DDHD1: variants seen among roughly 807,000 people sequenced by gnomAD.
DDHD1 encodes phospholipase DDHD1.
A neutral mutation model predicts 96.4 loss-of-function variants in DDHD1; 49 were observed. That is an observed-to-expected ratio of 0.51 (90% CI 0.40 to 0.64). The LOEUF is 0.64. Among genes scored for constraint, DDHD1 ranks in the 30% least tolerant of loss-of-function variants. The probability of loss-of-function intolerance (pLI) is 0.00; values close to 1 mark genes in which losing one functional copy is unlikely to be tolerated. For synonymous variants in DDHD1, 442 were observed against 446.5 expected (o/e 0.99, Z 0.13); for missense variants, 1,106 against 1,161.2 (o/e 0.95, Z 0.69).
At chr14:53,151,321 C>T (rs575375324) in intron 1 of DDHD1, among the ~76,000 whole-genome samples, 2 of 152,328 alleles carry the variant, frequency 1.3e-5, no homozygotes, top group Non-Finnish European at 2.9e-5. Flanking sequence ...GTGTATATTA[C>T]ATATTATAAT....
Position 53,141,399 on chromosome 14 carries a change from A to C in DDHD1, c.838+10862T>G, listed in dbSNP as rs1890632272. 2.0e-5 allele frequency among the ~76,000 whole-genome samples: 3 copies of C among 152,238 alleles called. 1 individual carries two copies. The highest frequency in any genetic ancestry group is 1.3e-4 in the Admixed American group (2 of 15,284). On this transcript the variant is annotated intron_variant, in intron 1 of 12. Transcript: ENST00000673822. ...GGGTTTATGAACTAACAGAATTACC[A>C]AAGTAAGGTCTTCGAACCCCTTGTA...
chr14:53,062,445 G>A (rs1883666727), intron 7 of DDHD1, among the ~76,000 whole-genome samples: 1 of 151,620 alleles, frequency 6.6e-6, no homozygotes, highest in South Asian at 2.1e-4. Flanking sequence ...TATCAGGAGG[G>A]CCACAAATGA....
At chr14:53,108,502 G>C (rs1595189245) in intron 1 of DDHD1, among the ~76,000 whole-genome samples, 1 of 152,230 alleles carries the variant, frequency 6.6e-6, no homozygotes, top group East Asian at 1.9e-4. Flanking sequence ...AAGGACCCCT[G>C]GTAACAGTGC....
intron 2 of DDHD1, chr14:53,103,083 AACTTT>A (rs1273273360): frequency 2.6e-6 from 4 of 1,556,044 alleles, no homozygotes; most frequent in Admixed American, 3.9e-5. Context: ...AAGTATTTTT[AACTTT>A]ACCACATATT....
chr14:53,053,201 A>G (rs1384117836), intron 11 of DDHD1: 3 of 152,070 alleles, frequency 2.0e-5, no homozygotes, highest in African/African-American at 7.2e-5. Flanking sequence ...TTTCTTCAGC[A>G]GTTAGAGTTT....
In DDHD1 at chr14:53,060,928, C is replaced by A. The variant is rs1003058653; in HGVS notation, c.1842+198G>T. ...CATCAATAATACTGTGCCATATAAC[C>A]TGAGGACTGGGGAACTGACTTGTCT... On this transcript the variant is annotated intron_variant, in intron 8 of 12. Transcript: ENST00000673822. Among the ~76,000 whole-genome samples, 4 of 152,120 alleles carry A rather than the reference C, an allele frequency of 2.6e-5. No homozygotes were observed. The South Asian group carries it at 8.3e-4, about 32-fold the overall frequency.
rs574951533 is a variant in DDHD1 at position 53,111,044 on chromosome 14, T to C, written c.839-7188A>G. On this transcript the variant is annotated intron_variant, in intron 1 of 12. Transcript: ENST00000673822. ...CAATTGCTAGGAAGAACGGTCTTTA[T>C]TGAAATCAAAAGAAGAACATGGGTT... Among the ~76,000 whole-genome samples, 116 of 152,350 alleles carry C rather than the reference T, an allele frequency of 7.6e-4. 1 individual carries two copies. Among genetic ancestry groups the C allele is most frequent in the African/African-American group, 2.7e-3 (112 of 41,578 alleles).
At chr14:53,108,338 G>A (rs768507153) in intron 1 of DDHD1, among the ~76,000 whole-genome samples, 2 of 152,140 alleles carry the variant, frequency 1.3e-5, no homozygotes, top group East Asian at 1.9e-4. Context: ...GTTCTCTTCC[G>A]TGACCCACGG....
At chr14:53,051,223 G>A (rs538719166) in intron 12 of DDHD1, among the ~76,000 whole-genome samples, 13 of 151,220 alleles carry the variant, frequency 8.6e-5, no homozygotes, top group African/African-American at 2.9e-4. Context: ...GAGAAGCTGT[G>A]GAAAAAGAAT....
intron 9 of DDHD1, among the ~76,000 whole-genome samples, chr14:53,057,172 G>A (rs1304891561): frequency 3.3e-5 from 5 of 152,074 alleles, no homozygotes; most frequent in Non-Finnish European, 7.4e-5. Flanking sequence ...TCTAAAATTC[G>A]AATGGTTAGT....
At position 53,046,669 on chromosome 14, in the gene DDHD1, G is replaced by T; in HGVS notation, c.*99C>A. The T allele has an allele frequency of 1.3e-6, 1 of 790,268 alleles. No homozygotes were observed. The highest frequency in any genetic ancestry group is 1.9e-6 in the Non-Finnish European group (1 of 535,018). The allele number at this position is 790,268 out of a possible 1,614,324, so 49.0% of individuals were successfully genotyped here. Reference sequence around the variant, plus strand: ...AATATATGTTGCCCTAAAGAAAACTGAAATATACTTTAACCCTGAAATCTC... The same window carrying T: ...AATATATGTTGCCCTAAAGAAAACTTAAATATACTTTAACCCTGAAATCTC... On this transcript the variant is annotated 3_prime_UTR_variant, in exon 13 of 13. Transcript: ENST00000673822.
chr14:53,110,086 C>G (rs951492478), intron 1 of DDHD1, among the ~76,000 whole-genome samples: 2 of 152,202 alleles, frequency 1.3e-5, no homozygotes, highest in Non-Finnish European at 2.9e-5. Flanking sequence ...ATTTAGGTGG[C>G]TACCCAAGGC....
rs776590126 is a variant in DDHD1, at chr14:53,055,839, G to C, written c.2066C>G (p.Thr689Ser). 1 of 1,613,716 alleles carries C rather than the reference G, an allele frequency of 6.2e-7. No individual in the cohort carries two copies. The highest frequency in any genetic ancestry group is 8.5e-7 in the Non-Finnish European group (1 of 1,179,774). Residue 689 changes from threonine to serine, a missense_variant, in exon 10 of 13, where the codon ACT (threonine) becomes AGT (serine). By Grantham distance (58) the Thr-to-Ser change is moderately conservative. Coordinates refer to ENST00000673822, the MANE Select transcript of DDHD1 (RefSeq NM_001160148.2). The part of the protein sequence containing the change: ...ISPVQIHWYN[T>S]SNPLPYEHMK... Reference sequence around the variant, plus strand: ...ATGTTCATAAGGTAAAGGATTTGAAGTATTGTACCAGTGGATCTGGACAGG... The same window carrying C: ...ATGTTCATAAGGTAAAGGATTTGAACTATTGTACCAGTGGATCTGGACAGG...
chr14:53,083,276 T>C (rs1885653125), intron 4 of DDHD1, among the ~76,000 whole-genome samples: 1 of 152,190 alleles, frequency 6.6e-6, no homozygotes, highest in Non-Finnish European at 1.5e-5. Flanking sequence ...ATACTGTGTT[T>C]AACTGAAAAC....
At chr14:53,058,400 C>A in intron 9 of DDHD1, 77 bp downstream of exon 9, 1 of 1,485,550 alleles carries the variant, frequency 6.7e-7, no homozygotes. Flanking sequence ...CAAGCGTGAG[C>A]CACTGTGCCC....
chr14:53,051,415 T>C (rs1469042393), intron 12 of DDHD1, among the ~76,000 whole-genome samples: 1 of 151,998 alleles, frequency 6.6e-6, no homozygotes, highest in Non-Finnish European at 1.5e-5. Flanking sequence ...AGCTATGACA[T>C]ACCTACAACC....
In DDHD1 at chr14:53,152,868, G is replaced by A; in HGVS notation, c.231C>T (p.His77=). Residue 77 remains histidine (H), a synonymous_variant, in exon 1 of 13, where the codon CAC becomes CAT. Coordinates refer to ENST00000673822, the MANE Select transcript of DDHD1 (RefSeq NM_001160148.2). ...LAPGTDDHNH[H]LALDPCLSDE... is the part of the protein sequence containing the mutation. ...CACTGAGGCAGGGGTCCAGCGCGAGGTGGTGGTTGTGGTCGTCGGTGCCCG... is the reference window on the plus strand; with the variant it reads ...CACTGAGGCAGGGGTCCAGCGCGAGATGGTGGTTGTGGTCGTCGGTGCCCG... The A allele has an allele frequency of 6.2e-7, 1 of 1,610,914 alleles. No homozygotes were observed. The highest frequency in any genetic ancestry group is 8.5e-7 in the Non-Finnish European group (1 of 1,178,854).
At chr14:53,146,479 G>C (rs1264562207) in intron 1 of DDHD1, among the ~76,000 whole-genome samples, 1 of 142,406 alleles carries the variant, frequency 7.0e-6, no homozygotes, top group African/African-American at 2.6e-5. Flanking sequence ...ACTTCATCCA[G>C]GGCAACAGAG....
chr14:53,070,011 A>G lies in DDHD1; in HGVS notation c.1503+2586T>C, dbSNP rs375469237. On this transcript the variant is annotated intron_variant, in intron 6 of 12. Coordinates refer to ENST00000673822, the MANE Select transcript of DDHD1 (RefSeq NM_001160148.2). Reference sequence around the variant, plus strand: ...ATTCAGTTCCTTTCTGAGGATAGTTATCTTTCCACATATAAGAGCATTACA... The same window carrying G: ...ATTCAGTTCCTTTCTGAGGATAGTTGTCTTTCCACATATAAGAGCATTACA... 2.0e-5 allele frequency among the ~76,000 whole-genome samples: 3 copies of G among 152,248 alleles called. No homozygotes were observed. In the East Asian group the frequency reaches 5.8e-4, roughly 29 times the overall value.
Sources: gnomAD v4.1 joint callset for allele counts (sites outside exome capture counted in the v4.1 genomes callset) on GRCh38, gnomAD v4.1.1 for gene constraint, MANE v1.5 for transcripts, NCBI Gene and HGNC (gene_info 2026-07-23, HGNC 2026-07-21) for gene names.